The following MBD5 variants were observed in gnomAD, a reference collection of about 807,000 sequenced individuals.
MBD5 encodes methyl-CpG-binding domain protein 5.
A neutral mutation model predicts 117.3 loss-of-function variants in MBD5; 13 were observed. That is an observed-to-expected ratio of 0.11 (90% CI 0.07 to 0.18). MBD5 has a LOEUF of 0.18. MBD5 is among the 10% of genes least tolerant of loss of function. The pLI, the probability that MBD5 is intolerant of heterozygous loss-of-function variation, is 1.00. For missense variants in MBD5, 1,879 were observed against 2,093.8 expected (o/e 0.90, Z 2.00); for synonymous variants, 727 against 766.4 (o/e 0.95, Z 0.85).
At chr2:148,379,702 A>G (rs1704081394) in intron 4 of MBD5, among the ~76,000 whole-genome samples, 5 of 152,086 alleles carry the variant, frequency 3.3e-5, no homozygotes, top group Admixed American at 3.3e-4. Context: ...ATTGATAAAA[A>G]GGACAAAAAT....
chr2:148,438,906 CAG>C (rs778519902), intron 4 of MBD5, among the ~76,000 whole-genome samples: 2 of 152,166 alleles, frequency 1.3e-5, no homozygotes, highest in Non-Finnish European at 2.9e-5. Context: ...CTAGTTCACT[CAG>C]ACTCACACTC....
chr2:148,350,548 T>C (rs1317495), intron 4 of MBD5, among the ~76,000 whole-genome samples: 28,338 of 151,974 alleles, frequency 0.19, 3,645 homozygotes, highest in East Asian at 0.53. Flanking sequence ...AAGCCAGCTT[T>C]TACTGGAAAA....
intron 3 of MBD5, among the ~76,000 whole-genome samples, chr2:148,294,501 G>GTTTTTTTTTTTTTTGTTT (rs1701591222): frequency 8.8e-6 from 1 of 113,216 alleles, no homozygotes; most frequent in African/African-American, 3.7e-5. Flanking sequence ...TGGGATTACA[G>GTTTTTTTTTTTTTTGTTT]TTTTTTTTTT....
chr2:148,264,405 A>G (rs1383564167), intron 3 of MBD5: 1 of 152,222 alleles, frequency 6.6e-6, no homozygotes, highest in Non-Finnish European at 1.5e-5. Context: ...AAGGTCACAC[A>G]CAACTAGCAA....
intron 4 of MBD5, among the ~76,000 whole-genome samples, chr2:148,446,398 AAAAC>A (rs532774841): frequency 2.7e-4 from 41 of 152,036 alleles, no homozygotes; most frequent in Admixed American, 4.6e-4. Flanking sequence ...GTGATATCCA[AAAAC>A]AAACAAACAA....
intron 1 of MBD5, chr2:148,026,437 T>C (rs1399163146): frequency 2.0e-5 from 3 of 152,170 alleles, no homozygotes; most frequent in African/African-American, 7.2e-5. Context: ...ATTTAAAATA[T>C]ACATAATGTC....
intron 1 of MBD5, among the ~76,000 whole-genome samples, chr2:148,154,152 C>G (rs1697783407): frequency 7.1e-6 from 1 of 140,806 alleles, no homozygotes. Context: ...AGTTTTCCTT[C>G]TAACAGACAG....
chr2:148,285,451 G>T (rs922957386), intron 3 of MBD5, among the ~76,000 whole-genome samples: 3 of 152,114 alleles, frequency 2.0e-5, no homozygotes. Flanking sequence ...TAATAGAATT[G>T]ACATGAGAAA....
chr2:148,385,399 A>T (rs933903948), intron 4 of MBD5, among the ~76,000 whole-genome samples: 3 of 152,220 alleles, frequency 2.0e-5, no homozygotes, highest in African/African-American at 7.2e-5. Flanking sequence ...GCAAATCAAA[A>T]CCACAATGAG....
chr2:148,300,830 T>C (rs1338960486), intron 3 of MBD5, among the ~76,000 whole-genome samples: 1 of 152,004 alleles, frequency 6.6e-6, no homozygotes, highest in East Asian at 1.9e-4. Context: ...ATTTCTGGAG[T>C]CTTCATTTCT....
intron 1 of MBD5, among the ~76,000 whole-genome samples, chr2:148,162,315 G>C (rs578101350): frequency 6.6e-6 from 1 of 152,100 alleles, no homozygotes; most frequent in African/African-American, 2.4e-5. Flanking sequence ...CATTTACTGA[G>C]ACCCTCCCAA....
chr2:148,222,386 C>T (rs1699710492), intron 2 of MBD5, among the ~76,000 whole-genome samples: 1 of 151,978 alleles, frequency 6.6e-6, no homozygotes. Flanking sequence ...TCTTCCAATC[C>T]ATGGACATGG....
At chr2:148,121,485 A>C (rs1020693395) in intron 1 of MBD5, among the ~76,000 whole-genome samples, 1 of 152,010 alleles carries the variant, frequency 6.6e-6, no homozygotes, top group Non-Finnish European at 1.5e-5. Context: ...ATGGCTATAT[A>C]TCTAGCACCT....
At chr2:148,221,502 C>T (rs947620418) in intron 2 of MBD5, among the ~76,000 whole-genome samples, 4 of 152,130 alleles carry the variant, frequency 2.6e-5, no homozygotes, top group African/African-American at 9.7e-5. Flanking sequence ...ATTTGCATTT[C>T]TCTAATTATC....
chr2:148,108,541 G>GAA (rs565338299), intron 1 of MBD5, among the ~76,000 whole-genome samples: 4 of 116,342 alleles, frequency 3.4e-5, no homozygotes, highest in African/African-American at 9.3e-5. Flanking sequence ...AAGAAAAAAA[G>GAA]AAAAAAAAAA....
intron 3 of MBD5, among the ~76,000 whole-genome samples, chr2:148,313,081 T>A (rs1702071634): frequency 6.6e-6 from 1 of 152,134 alleles, no homozygotes; most frequent in African/African-American, 2.4e-5. Flanking sequence ...GTATGGGGTG[T>A]CTGTCGACCC....
intron 1 of MBD5, among the ~76,000 whole-genome samples, chr2:148,101,479 A>T (rs955989662): frequency 6.6e-6 from 1 of 152,130 alleles, no homozygotes; most frequent in Non-Finnish European, 1.5e-5. Flanking sequence ...AAAAAAAATC[A>T]TATGGTTCCA....
intron 3 of MBD5, among the ~76,000 whole-genome samples, chr2:148,260,006 C>G (rs777946106): frequency 1.3e-5 from 2 of 152,214 alleles, no homozygotes; most frequent in Non-Finnish European, 2.9e-5. Context: ...GCCTCAATGT[C>G]GACATCTGCT....
At chr2:148,362,807 G>T (rs1021253597) in intron 4 of MBD5, among the ~76,000 whole-genome samples, 1 of 152,330 alleles carries the variant, frequency 6.6e-6, no homozygotes, top group East Asian at 1.9e-4. Context: ...AGCAGTCTTT[G>T]CTGTTCTTCA....
Sources: gnomAD v4.1 joint callset for allele counts (sites outside exome capture counted in the v4.1 genomes callset) on GRCh38, gnomAD v4.1.1 for gene constraint, MANE v1.5 for transcripts, NCBI Gene and HGNC (gene_info 2026-07-23, HGNC 2026-07-21) for gene names.